The following TMEM117 variants were observed in gnomAD, a reference collection of about 807,000 sequenced individuals.
The protein encoded by TMEM117 is transmembrane protein 117.
In TMEM117, 27 loss-of-function variants were observed where a neutral mutation model predicts 52.4. The ratio of observed to expected loss-of-function variants is 0.51; its 90% CI spans 0.38 to 0.71. TMEM117 has a LOEUF of 0.71. Among genes scored for constraint, TMEM117 ranks in the 30% least tolerant of loss-of-function variants. The pLI is 0.00. For synonymous variants in TMEM117, 215 were observed against 206.3 expected, an observed-to-expected ratio of 1.04 and a Z score of -0.36; for missense variants, 556 against 630.5, an observed-to-expected ratio of 0.88 and a Z score of 1.26.
At position 44,077,115 on chromosome 12, in the gene TMEM117, C is replaced by T. The variant is rs147153336; in HGVS notation, c.411-66410C>T. Among the ~76,000 whole-genome samples the T allele has an allele frequency of 5.1e-3, 773 of 152,232 alleles. 5 individuals are homozygous for T. The highest frequency in any genetic ancestry group is 8.3e-3 in the Non-Finnish European group (564 of 68,020). ...TGGGGAGTTAACAAATAGAAAATAC[C>T]CACGCAGGCTTAGCAGGAACAAAGC... On this transcript the variant is annotated intron_variant, in intron 3 of 7. Transcript: ENST00000266534.
intron 3 of TMEM117, among the ~76,000 whole-genome samples, chr12:44,139,953 A>T (rs567795913): frequency 6.6e-6 from 1 of 152,296 alleles, no homozygotes; most frequent in African/African-American, 2.4e-5. Flanking sequence ...ATAGTAGCTG[A>T]AAATTTTTAT....
chr12:44,194,247 G>T (rs1949390254), intron 4 of TMEM117, among the ~76,000 whole-genome samples: 1 of 152,158 alleles, frequency 6.6e-6, no homozygotes, highest in African/African-American at 2.4e-5. Context: ...ATATTAAACA[G>T]CTACCATAGT....
intron 2 of TMEM117, among the ~76,000 whole-genome samples, chr12:43,927,630 C>T (rs1255027542): frequency 6.6e-6 from 1 of 151,514 alleles, no homozygotes; most frequent in Non-Finnish European, 1.5e-5. Context: ...TTCTATTTAC[C>T]TGGAGAATTT....
chr12:44,135,975 T>C (rs927257456), intron 3 of TMEM117, among the ~76,000 whole-genome samples: 1 of 152,192 alleles, frequency 6.6e-6, no homozygotes, highest in Non-Finnish European at 1.5e-5. Context: ...TCTAATTAGT[T>C]TAGATAGAAG....
intron 3 of TMEM117, among the ~76,000 whole-genome samples, chr12:44,127,255 T>G (rs777164865): frequency 2.0e-5 from 3 of 152,230 alleles, no homozygotes; most frequent in Admixed American, 6.5e-5. Context: ...TGTAAATTAT[T>G]AATATGATTT....
At chr12:44,256,236 CAT>C (rs1442511540) in intron 5 of TMEM117, among the ~76,000 whole-genome samples, 1 of 151,754 alleles carries the variant, frequency 6.6e-6, no homozygotes, top group South Asian at 2.1e-4. Flanking sequence ...TATATTTACA[CAT>C]ATGTGCATAT....
chr12:43,895,309 C>T (rs1044881239), intron 2 of TMEM117, among the ~76,000 whole-genome samples: 1 of 152,118 alleles, frequency 6.6e-6, no homozygotes, highest in East Asian at 1.9e-4. Context: ...CTATCCATGT[C>T]TTTGCAAAGG....
At chr12:44,091,822 T>G (rs1947677318) in intron 3 of TMEM117, among the ~76,000 whole-genome samples, 1 of 152,230 alleles carries the variant, frequency 6.6e-6, no homozygotes, top group South Asian at 2.1e-4. Context: ...AGTTGTTTCT[T>G]TTTTCTGTTA....
chr12:43,928,984 C>A (rs1447877604), intron 2 of TMEM117, among the ~76,000 whole-genome samples: 2 of 151,506 alleles, frequency 1.3e-5, no homozygotes, highest in Non-Finnish European at 2.9e-5. Flanking sequence ...TTTCTTAATC[C>A]AGTCTATCAT....
chr12:43,959,614 A>G (rs2137658921), intron 3 of TMEM117, among the ~76,000 whole-genome samples: 1 of 152,236 alleles, frequency 6.6e-6, no homozygotes, highest in South Asian at 2.1e-4. Flanking sequence ...AGTGATTTTC[A>G]CTTCTTATTG....
At chr12:44,317,715 T>C (rs543046606) in intron 6 of TMEM117, among the ~76,000 whole-genome samples, 4 of 152,342 alleles carry the variant, frequency 2.6e-5, no homozygotes, top group Admixed American at 1.3e-4. Flanking sequence ...TGTGTGGTTC[T>C]ACCTACAGGC....
intron 3 of TMEM117, among the ~76,000 whole-genome samples, chr12:44,040,401 C>G (rs77096923): frequency 2.0e-5 from 3 of 151,924 alleles, no homozygotes; most frequent in African/African-American, 7.3e-5. Flanking sequence ...TGTTTTTGTG[C>G]GACTGTTATA....
At chr12:44,182,157 T>C (rs369068323) in intron 4 of TMEM117, among the ~76,000 whole-genome samples, 224 of 152,280 alleles carry the variant, frequency 1.5e-3, no homozygotes, top group Non-Finnish European at 2.3e-3. Context: ...TCTCTGTTTG[T>C]CTGTTGTTGG....
chr12:43,986,067 G>T (rs1449508275), intron 3 of TMEM117, among the ~76,000 whole-genome samples: 1 of 152,046 alleles, frequency 6.6e-6, no homozygotes, highest in African/African-American at 2.4e-5. Flanking sequence ...TATTCTAGTG[G>T]GCTCTGAGAT....
chr12:44,358,813 C>G (rs576391955), intron 6 of TMEM117, among the ~76,000 whole-genome samples: 1 of 152,082 alleles, frequency 6.6e-6, no homozygotes, highest in Admixed American at 6.6e-5. Flanking sequence ...AACCTCCTCC[C>G]ACTCCTGGGA....
At chr12:44,347,684 A>T (rs1317461428) in intron 6 of TMEM117, among the ~76,000 whole-genome samples, 1 of 152,008 alleles carries the variant, frequency 6.6e-6, no homozygotes, top group Non-Finnish European at 1.5e-5. Context: ...TCTGCTTACT[A>T]ACAGAGGTGA....
At chr12:43,915,100 A>C (rs2137542225) in intron 2 of TMEM117, among the ~76,000 whole-genome samples, 1 of 152,244 alleles carries the variant, frequency 6.6e-6, no homozygotes, top group South Asian at 2.1e-4. Flanking sequence ...CTTTGCTTCC[A>C]CATGGTTTCA....
intron 2 of TMEM117, among the ~76,000 whole-genome samples, chr12:43,922,227 C>T (rs541466111): frequency 7.2e-4 from 110 of 152,146 alleles, no homozygotes; most frequent in Middle Eastern, 3.4e-3. Context: ...TATTAGAAGG[C>T]AATACGCGTG....
intron 5 of TMEM117, among the ~76,000 whole-genome samples, chr12:44,274,492 C>T (rs1041363408): frequency 6.6e-6 from 1 of 151,972 alleles, no homozygotes; most frequent in Admixed American, 6.6e-5. Context: ...CCCAGAACAG[C>T]CAAAGCTATA....
Sources: gnomAD v4.1 joint callset for allele counts (sites outside exome capture counted in the v4.1 genomes callset) on GRCh38, gnomAD v4.1.1 for gene constraint, MANE v1.5 for transcripts, NCBI Gene and HGNC (gene_info 2026-07-23, HGNC 2026-07-21) for gene names.